The following SLC12A8 variants were observed in gnomAD, a reference collection of about 807,000 sequenced individuals.
SLC12A8 encodes solute carrier family 12 member 8, also known as cation-chloride cotransporter 9.
In SLC12A8, 69 loss-of-function variants were observed where a neutral mutation model predicts 75.6. The ratio of observed to expected loss-of-function variants is 0.91; its 90% confidence interval spans 0.75 to 1.11. SLC12A8 has a LOEUF of 1.11. Ranked by LOEUF, SLC12A8 falls within the 50% of genes most tolerant of loss-of-function variation. The pLI is 0.00. For missense variants in SLC12A8, 877 were observed against 896.7 expected, an observed-to-expected ratio of 0.98 and a Z score of 0.28; for synonymous variants, 365 against 372.8, an observed-to-expected ratio of 0.98 and a Z score of 0.24.
chr3:125,143,940 C>A (rs1403795462), intron 5 of SLC12A8, among the ~76,000 whole-genome samples: 4 of 152,232 alleles, frequency 2.6e-5, no homozygotes, highest in Non-Finnish European at 5.9e-5. Flanking sequence ...GAAAGATAAG[C>A]CTTTTCTTCA....
chr3:125,147,220 G>A (rs575544471), intron 5 of SLC12A8, among the ~76,000 whole-genome samples: 1 of 152,340 alleles, frequency 6.6e-6, no homozygotes, highest in South Asian at 2.1e-4. Flanking sequence ...TGGGACCCAA[G>A]GCCTGGGAGC....
chr3:125,174,538 T>C (rs1477370636), intron 5 of SLC12A8, among the ~76,000 whole-genome samples: 3 of 152,224 alleles, frequency 2.0e-5, no homozygotes, highest in African/African-American at 7.2e-5. Context: ...TGGATGTTTA[T>C]ATCAGTTTTA....
At chr3:125,210,284 A>G (rs904508039) in intron 2 of SLC12A8, among the ~76,000 whole-genome samples, 1 of 152,254 alleles carries the variant, frequency 6.6e-6, no homozygotes, top group African/African-American at 2.4e-5. Flanking sequence ...AAGAAGCATC[A>G]GCAAAGATCA....
chr3:125,180,011 A>C (rs946083850), intron 4 of SLC12A8, among the ~76,000 whole-genome samples: 2 of 151,408 alleles, frequency 1.3e-5, no homozygotes, highest in Admixed American at 6.6e-5. Context: ...GACCATCTGC[A>C]TCCAAAGCTT....
chr3:125,179,804 C>G (rs1260497203), intron 4 of SLC12A8, among the ~76,000 whole-genome samples: 2 of 151,894 alleles, frequency 1.3e-5, no homozygotes, highest in African/African-American at 4.8e-5. Context: ...TACTAAACAC[C>G]AAGAGTGTGA....
intron 2 of SLC12A8, among the ~76,000 whole-genome samples, chr3:125,207,808 T>G (rs970451308): frequency 1.3e-5 from 2 of 152,222 alleles, no homozygotes; most frequent in Admixed American, 6.5e-5. Flanking sequence ...GTTTCTTTCT[T>G]AGTTTTCAAG....
rs545359337 is a variant in SLC12A8 at position 125,105,062 on chromosome 3, C to T, written c.1705+2419G>A. 6.1e-5 allele frequency among the ~76,000 whole-genome samples: 9 copies of T among 148,534 alleles called. No individual in the cohort carries two copies. In the East Asian group the frequency reaches 1.8e-3, roughly 29 times the overall value. The stretch of plus-strand genomic sequence containing the variant: ...TCAAAACTAATCGTGACTGATACAA[C>T]AACCAACACTTTAAAAAAAAAATCA... On this transcript the variant is annotated intron_variant, in intron 10 of 13. Transcript: ENST00000469902.
chr3:125,092,401 GAC>G (rs1263226947), intron 10 of SLC12A8, among the ~76,000 whole-genome samples: 1 of 152,158 alleles, frequency 6.6e-6, no homozygotes, highest in Non-Finnish European at 1.5e-5. Context: ...AGAAGAGAGA[GAC>G]AGAGTGGAGA....
intron 5 of SLC12A8, among the ~76,000 whole-genome samples, chr3:125,139,466 C>T (rs1933573646): frequency 6.6e-6 from 1 of 152,180 alleles, no homozygotes; most frequent in African/African-American, 2.4e-5. Context: ...TTTTCCCAGG[C>T]CCTCATGACT....
chr3:125,166,470 T>A (rs1400243899), intron 5 of SLC12A8, among the ~76,000 whole-genome samples: 1 of 152,202 alleles, frequency 6.6e-6, no homozygotes, highest in African/African-American at 2.4e-5. Context: ...AATATGAACT[T>A]GAGTCAGGTT....
intron 6 of SLC12A8, among the ~76,000 whole-genome samples, chr3:125,121,428 G>T (rs1353471682): frequency 6.6e-6 from 1 of 152,194 alleles, no homozygotes; most frequent in Non-Finnish European, 1.5e-5. Context: ...TCAGTGTGAT[G>T]GGCTGCCCTG....
intron 8 of SLC12A8, among the ~76,000 whole-genome samples, chr3:125,118,503 C>T (rs746387287): frequency 6.6e-6 from 1 of 152,082 alleles, no homozygotes; most frequent in Non-Finnish European, 1.5e-5. Context: ...AGGGCATGCC[C>T]CTGTAGTCCC....
chr3:125,115,724 CGAGA>C (rs973726768), intron 8 of SLC12A8, among the ~76,000 whole-genome samples: 3 of 151,932 alleles, frequency 2.0e-5, no homozygotes, highest in Non-Finnish European at 2.9e-5. Flanking sequence ...AGAAAGCCCC[CGAGA>C]GAGAGGAGTG....
At chr3:125,144,255 T>A (rs1345189312) in intron 5 of SLC12A8, among the ~76,000 whole-genome samples, 1 of 152,196 alleles carries the variant, frequency 6.6e-6, no homozygotes, top group African/African-American at 2.4e-5. Flanking sequence ...ATTAACTCAT[T>A]GAAGCCTCAC....
At chr3:125,159,402 T>C (rs1364764080) in intron 5 of SLC12A8, among the ~76,000 whole-genome samples, 1 of 152,094 alleles carries the variant, frequency 6.6e-6, no homozygotes, top group African/African-American at 2.4e-5. Context: ...ATTAAAGAGA[T>C]TTTTAAAAGG....
intron 5 of SLC12A8, among the ~76,000 whole-genome samples, chr3:125,143,403 G>A (rs1448005032): frequency 6.6e-6 from 1 of 152,246 alleles, no homozygotes; most frequent in Non-Finnish European, 1.5e-5. Context: ...AGGTTTCGAA[G>A]AGGCCCCCAA....
intron 10 of SLC12A8, among the ~76,000 whole-genome samples, chr3:125,101,355 A>G (rs1415575064): frequency 1.3e-5 from 2 of 152,264 alleles, no homozygotes; most frequent in Non-Finnish European, 2.9e-5. Context: ...TTAGCTACTA[A>G]TAATACTTAA....
At position 125,169,602 on chromosome 3, in the gene SLC12A8, CTGCCAGCCCCTT is replaced by C. The variant is rs568274424; in HGVS notation, c.622+8129_622+8140del. On this transcript the variant is annotated intron_variant, in intron 5 of 13. Coordinates refer to ENST00000469902, the MANE Select transcript of SLC12A8 (RefSeq NM_024628.6). ...TGACACTCTGCACCTGAGTATGAGGCTGCCAGCCCCTTTGCCCACCTCCACTCTGCTCCCCGA... is the reference window on the plus strand; with the variant it reads ...TGACACTCTGCACCTGAGTATGAGGCTGCCCACCTCCACTCTGCTCCCCGA... Among the ~76,000 whole-genome samples, 30 of 152,274 alleles carry C rather than the reference CTGCCAGCCCCTT, an allele frequency of 2.0e-4. No homozygotes were observed. In the South Asian group the frequency reaches 4.4e-3, roughly 22 times the overall value.
At chr3:125,207,448 T>C (rs1935247756) in intron 2 of SLC12A8, among the ~76,000 whole-genome samples, 1 of 152,310 alleles carries the variant, frequency 6.6e-6, no homozygotes, top group Non-Finnish European at 1.5e-5. Flanking sequence ...TGGAGGCACT[T>C]CTTATTCCAT....
Sources: allele counts gnomAD v4.1 joint callset (sites outside exome capture counted in the v4.1 genomes callset), GRCh38; gene constraint gnomAD v4.1.1; transcripts MANE v1.5; gene names NCBI Gene and HGNC (gene_info 2026-07-23, HGNC 2026-07-21).